SMIM19: variants seen among roughly 807,000 people sequenced by gnomAD.
SMIM19 encodes the protein UPF0697 protein C8orf40.
In SMIM19, 6 loss-of-function variants were observed where a neutral mutation model predicts 13.2. That is an observed-to-expected ratio of 0.45 (90% CI 0.25 to 0.90). The LOEUF (loss-of-function observed/expected upper bound fraction) is 0.90. SMIM19 is among the 40% of genes least tolerant of loss of function. SMIM19 has a pLI of 0.19. For synonymous variants in SMIM19, 46 were observed against 43.1 expected (o/e 1.07, Z -0.27); for missense variants, 138 against 131.0 (o/e 1.05, Z -0.26).
chr8:42,546,799 A>G (rs1813504135), intron 2 of SMIM19, among the ~76,000 whole-genome samples, 193 bp downstream of exon 2: 1 of 152,026 alleles, frequency 6.6e-6, no homozygotes, highest in Non-Finnish European at 1.5e-5. Flanking sequence ...CCTGGCCAAC[A>G]TGGTGAAACC....
intron 2 of SMIM19, among the ~76,000 whole-genome samples, chr8:42,547,776 T>G (rs1316781462): frequency 6.6e-6 from 1 of 152,200 alleles, no homozygotes; most frequent in Non-Finnish European, 1.5e-5. Context: ...ATGTTGTAGC[T>G]TAATTTAACT....
chr8:42,551,232 G>A (rs927128020), intron 3 of SMIM19, among the ~76,000 whole-genome samples: 17 of 151,198 alleles, frequency 1.1e-4, no homozygotes, highest in Non-Finnish European at 5.9e-5. Flanking sequence ...GCAGGAGAAT[G>A]GCATGAACCC....
chr8:42,551,044 C>G (rs144563420), intron 3 of SMIM19, among the ~76,000 whole-genome samples: 1 of 152,076 alleles, frequency 6.6e-6, no homozygotes, highest in South Asian at 2.1e-4. Context: ...ATTGGCCAGG[C>G]GTGGTGGCTC....
chr8:42,546,478 TG>T lies in SMIM19; in HGVS notation c.11del (p.Gly4ValfsTer4). 3.1e-6 allele frequency: 5 copies of T among 1,608,038 alleles called. No individual in the cohort carries two copies. The highest frequency in any genetic ancestry group is 4.2e-6 in the Non-Finnish European group (5 of 1,178,474). The part of the protein sequence containing the change: MA[G>X]GYGVMGDDGS... Reference sequence around the variant, plus strand: ...CTTTTCTCTCTTACAGCCCCATGGCTGGGGGTTATGGAGTGATGGGTGACGA... The same window carrying T: ...CTTTTCTCTCTTACAGCCCCATGGCTGGGGTTATGGAGTGATGGGTGACGA... On this transcript the variant is annotated frameshift_variant, in exon 2 of 4. Coordinates refer to ENST00000417410, the MANE Select transcript of SMIM19 (RefSeq NM_001135674.2). LOFTEE classifies it high-confidence loss of function.
At chr8:42,551,407 A>C (rs1250718480) in intron 3 of SMIM19, among the ~76,000 whole-genome samples, 1 of 152,150 alleles carries the variant, frequency 6.6e-6, no homozygotes, top group Non-Finnish European at 1.5e-5. Context: ...CTCTAGTTTC[A>C]AGTTAAGACA....
intron 1 of SMIM19, 25 bp from the exon 2 acceptor site, chr8:42,546,444 C>A: frequency 6.3e-7 from 1 of 1,581,932 alleles, no homozygotes; most frequent in Non-Finnish European, 8.6e-7. Flanking sequence ...TTAAAAGAAA[C>A]CCTGCTTTCT....
chr8:42,547,089 G>A (rs907925616), intron 2 of SMIM19, among the ~76,000 whole-genome samples: 5 of 150,016 alleles, frequency 3.3e-5, no homozygotes, highest in Non-Finnish European at 5.9e-5. Context: ...GGCCAGACAC[G>A]GTGGCTCACA....
Position 42,553,482 on chromosome 8 carries a change from G to A in SMIM19, c.*874G>A, listed in dbSNP as rs1813735887. 1 of 152,272 alleles carries A rather than the reference G, an allele frequency of 6.6e-6. No individual in the cohort carries two copies. Among genetic ancestry groups the A allele is most frequent in the African/African-American group, 2.4e-5 (1 of 41,458 alleles). The allele number at this position is 152,272 out of a possible 1,614,324, so 9.4% of individuals were successfully genotyped here. A position where few individuals can be genotyped will look rare whatever the true frequency, so the allele number is the denominator to read the frequency against. On this transcript the variant is annotated 3_prime_UTR_variant, in exon 4 of 4. Transcript: ENST00000417410. Reference sequence around the variant, plus strand: ...GGCAGTATTACTGCCACTGGTGAATGTTGCTGTCTGGTTACTGCTGCATTT... The same window carrying A: ...GGCAGTATTACTGCCACTGGTGAATATTGCTGTCTGGTTACTGCTGCATTT...
rs760201086 is a variant in SMIM19, at chr8:42,546,515, G to T, written c.43G>T (p.Asp15Tyr). The change falls in exon 2 of 4, where the codon GAT becomes TAT. Residue 15 changes from aspartate to tyrosine, a missense_variant. Transcript: ENST00000417410. ...AGTGATGGGTGACGATGGTTCTATT[G>T]ATTATACTGTTCACGAAGCCTGGAA... ...YGVMGDDGSI[D>Y]YTVHEAWNEA... 6.2e-7 allele frequency: 1 copy of T among 1,614,168 alleles called. No individual in the cohort carries two copies. Among genetic ancestry groups the T allele is most frequent in the South Asian group, 1.1e-5 (1 of 91,074 alleles).
rs1368038189 is a variant in SMIM19, at chr8:42,554,178, C to A, written c.*1570C>A. ...AGTGAATTGACCAAACAGAATAATT[C>A]TTAACTCACAAAGGAGTTTGAGCGC... On this transcript the variant is annotated 3_prime_UTR_variant, in exon 4 of 4. Transcript: ENST00000417410. 2.0e-5 allele frequency: 3 copies of A among 152,154 alleles called. No homozygotes were observed. Among genetic ancestry groups the A allele is most frequent in the Non-Finnish European group, 4.4e-5 (3 of 68,040 alleles). The allele number at this position is 152,154 out of a possible 1,614,324, so 9.4% of individuals were successfully genotyped here.
In SMIM19 at chr8:42,554,953, A is replaced by G. The variant is rs767143141; in HGVS notation, c.*2345A>G. ...TAGCTGATGCCAGCCAGCTGCGTGA[A>G]GGGGAGAAGGCCGCCTCCAAGGACA... On this transcript the variant is annotated 3_prime_UTR_variant, in exon 4 of 4. Transcript: ENST00000417410. The G allele has an allele frequency of 1.3e-5, 2 of 152,250 alleles. No individual in the cohort carries two copies. Among genetic ancestry groups the G allele is most frequent in the Non-Finnish European group, 2.9e-5 (2 of 68,058 alleles). The allele number at this position is 152,250 out of a possible 1,614,324, so 9.4% of individuals were successfully genotyped here.
intron 2 of SMIM19, among the ~76,000 whole-genome samples, chr8:42,547,991 A>G (rs1813544778): frequency 1.3e-5 from 2 of 152,204 alleles, no homozygotes. Context: ...GGCCTGAGGA[A>G]TCATTCAGAG....
In SMIM19 at chr8:42,546,594, T is replaced by C; in HGVS notation, c.122T>C (p.Met41Thr). Residue 41 changes from methionine to threonine, a missense_variant, in exon 2 of 4, where the codon ATG (methionine) becomes ACG (threonine). Met to Thr is a moderately conservative substitution (Grantham distance 81). Coordinates refer to ENST00000417410, the MANE Select transcript of SMIM19 (RefSeq NM_001135674.2). ...IVILVSFGLF[M>T]YAKRNKRRIM... Reference sequence around the variant, plus strand: ...ATCCTTGTTAGCTTCGGTCTCTTCATGTATGCCAAAAGGTAAATTTTTGTT... The same window carrying C: ...ATCCTTGTTAGCTTCGGTCTCTTCACGTATGCCAAAAGGTAAATTTTTGTT... The C allele has an allele frequency of 1.9e-6, 3 of 1,609,480 alleles. No individual in the cohort carries two copies. The highest frequency in any genetic ancestry group is 3.4e-5 in the Admixed American group (2 of 58,402).
At chr8:42,547,914 C>T (rs1813542798) in intron 2 of SMIM19, among the ~76,000 whole-genome samples, 1 of 152,298 alleles carries the variant, frequency 6.6e-6, no homozygotes, top group East Asian at 1.9e-4. Flanking sequence ...TTACAGGTAT[C>T]CTGTCCCAAG....
chr8:42,550,738 C>G (rs1340326558), intron 3 of SMIM19, among the ~76,000 whole-genome samples: 1 of 152,144 alleles, frequency 6.6e-6, no homozygotes, highest in African/African-American at 2.4e-5. Flanking sequence ...TGTGAGGTAA[C>G]ATAGGCACAG....
intron 1 of SMIM19, 160 bp from the exon 2 acceptor site, chr8:42,546,309 G>A (rs1208456263): frequency 9.5e-6 from 7 of 733,246 alleles, no homozygotes; most frequent in East Asian, 3.1e-5. Context: ...CATTTAAAAT[G>A]TGCCACTTAG....
Position 42,548,754 on chromosome 8 carries a change from GACA to G in SMIM19, c.239_241del (p.Gln80del), listed in dbSNP as rs1262157159. On this transcript the variant is annotated inframe_deletion, in exon 3 of 4. Transcript: ENST00000417410. ...GACACGATAAGCAAGATTCGTTTAA[GACA>G]ACAACTGGAAATGTATTCCATTTGT... 1.1e-5 allele frequency: 17 copies of G among 1,613,652 alleles called. No individual in the cohort carries two copies. The highest frequency in any genetic ancestry group is 5.0e-5 in the Admixed American group (3 of 59,952).
intron 1 of SMIM19, 145 bp downstream of exon 1, chr8:42,542,518 CAA>C (rs1813284697): frequency 1.0e-6 from 1 of 970,562 alleles, no homozygotes; most frequent in South Asian, 4.8e-5. Context: ...ATCAAAGTAA[CAA>C]AGTTCTAAGT....
At chr8:42,544,522 A>ATATTTAGATAGT (rs1813413481) in intron 1 of SMIM19, among the ~76,000 whole-genome samples, 1 of 41,366 alleles carries the variant, frequency 2.4e-5, no homozygotes, top group Non-Finnish European at 6.6e-5. Flanking sequence ...CTAGTGTTTA[A>ATATTTAGATAGT]ACAATATTTA....
Sources: gnomAD v4.1 joint callset for allele counts (sites outside exome capture counted in the v4.1 genomes callset) on GRCh38, gnomAD v4.1.1 for gene constraint, MANE v1.5 for transcripts, NCBI Gene and HGNC (gene_info 2026-07-23, HGNC 2026-07-21) for gene names.